Variants in ATP11B observed in about 807,000 individuals in gnomAD.
ATP11B encodes phospholipid-transporting ATPase IF.
Under a neutral mutation model 157.8 loss-of-function variants are expected in ATP11B, and 81 were observed. The ratio of observed to expected loss-of-function variants is 0.51; its 90% CI spans 0.43 to 0.62. The LOEUF (loss-of-function observed/expected upper bound fraction) is 0.62. Ranked by LOEUF, ATP11B falls within the 20% of genes least tolerant of loss-of-function variation. The pLI, the probability that ATP11B is intolerant of heterozygous loss-of-function variation, is 0.00. For synonymous variants in ATP11B, 451 were observed against 469.4 expected, an observed-to-expected ratio of 0.96 and a Z score of 0.51; for missense variants, 1,165 against 1,402.2, an observed-to-expected ratio of 0.83 and a Z score of 2.70.
chr3:182,861,570 T>A (rs998305279), intron 12 of ATP11B, among the ~76,000 whole-genome samples: 1 of 152,162 alleles, frequency 6.6e-6, no homozygotes, highest in Non-Finnish European at 1.5e-5. Flanking sequence ...AAGGTTGTAA[T>A]ACCAGATGTG....
intron 10 of ATP11B, among the ~76,000 whole-genome samples, chr3:182,850,515 A>G (rs1010440170): frequency 1.1e-4 from 17 of 152,266 alleles, no homozygotes; most frequent in Admixed American, 7.8e-4. Flanking sequence ...CAAAACCACA[A>G]TGAGATGTCA....
intron 2 of ATP11B, among the ~76,000 whole-genome samples, chr3:182,822,824 A>T (rs571929339): frequency 9.1e-4 from 138 of 152,274 alleles, no homozygotes; most frequent in Non-Finnish European, 1.6e-3. Flanking sequence ...CTGGTGTGAG[A>T]TGATATCTCA....
At chr3:182,891,555 T>C (rs1320372262) in intron 25 of ATP11B, among the ~76,000 whole-genome samples, 1 of 152,206 alleles carries the variant, frequency 6.6e-6, no homozygotes, top group African/African-American at 2.4e-5. Context: ...CATGATTACG[T>C]AATACTCTAT....
chr3:182,822,214 A>G (rs1333395203), intron 2 of ATP11B, among the ~76,000 whole-genome samples: 1 of 151,556 alleles, frequency 6.6e-6, no homozygotes, highest in Non-Finnish European at 1.5e-5. Context: ...GGTGTGCTTC[A>G]CCCATTAACT....
At position 182,887,601 on chromosome 3, in the gene ATP11B, G is replaced by A. The variant is rs985009420; in HGVS notation, c.2731G>A (p.Val911Met). ...LFSQQTLYDS[V>M]YLTLYNICFT... ...CTCTTTCTAGACATTGTATGACAGC[G>A]TGTACCTGACTTTATACAATATTTG... The change falls in exon 24 of 30, where the codon GTG becomes ATG. Residue 911 changes from valine (V) to methionine (M), a missense_variant. By Grantham distance (21) the Val-to-Met change is conservative. Transcript: ENST00000323116. The A allele has an allele frequency of 2.5e-6, 4 of 1,610,306 alleles. No homozygotes were observed. The highest frequency in any genetic ancestry group is 1.3e-5 in the African/African-American group (1 of 74,730).
chr3:182,916,424 TC>T, intron 29 of ATP11B: 1 of 985,334 alleles, frequency 1.0e-6, no homozygotes, highest in South Asian at 4.7e-5. Flanking sequence ...ATTTGTACCA[TC>T]CAGGCACAAA....
At chr3:182,884,254 ATTTAT>A (rs1722651091) in intron 21 of ATP11B, among the ~76,000 whole-genome samples, 3 of 152,058 alleles carry the variant, frequency 2.0e-5, no homozygotes, top group Admixed American at 2.0e-4. Context: ...TTAAAAATTT[ATTTAT>A]TTTAAATTCA....
chr3:182,899,832 T>C (rs554919037), intron 28 of ATP11B, among the ~76,000 whole-genome samples: 1 of 152,340 alleles, frequency 6.6e-6, no homozygotes, highest in African/African-American at 2.4e-5. Context: ...CTTTTTTATA[T>C]ATTTGACTAG....
chr3:182,912,447 CCTT>C (rs1251064726), intron 28 of ATP11B, among the ~76,000 whole-genome samples: 2 of 149,860 alleles, frequency 1.3e-5, no homozygotes, highest in Non-Finnish European at 2.9e-5. Context: ...ACACTGACCC[CCTT>C]TTTTTTTTTC....
Position 182,889,360 on chromosome 3 carries a change from C to A in ATP11B, c.2844-50C>A, listed in dbSNP as rs549406012. ...CATATTATATTAATTGTTTAGTGGG[C>A]AAATAATAAATGATCCCTAATATGT... On this transcript the variant is annotated intron_variant, in intron 24 of 29. Transcript: ENST00000323116. 1.7e-4 allele frequency: 221 copies of A among 1,305,326 alleles called. 5 individuals are homozygous for A. The South Asian group carries it at 3.0e-3, about 18-fold the overall frequency. 80.9% of individuals were successfully genotyped at this position (1,305,326 alleles called of 1,614,324 possible).
At chr3:182,902,487 T>C (rs1180435922) in intron 28 of ATP11B, 2 of 1,289,380 alleles carry the variant, frequency 1.6e-6, no homozygotes, top group Non-Finnish European at 2.0e-6. Flanking sequence ...ATAGATGTAC[T>C]CCAACACAGT....
At chr3:182,907,989 T>A (rs7632838) in intron 28 of ATP11B, among the ~76,000 whole-genome samples, 18,282 of 152,030 alleles carry the variant, frequency 0.12, 1,236 homozygotes, top group African/African-American at 0.18. Context: ...TAATTTACCG[T>A]CTGCATTAAA....
chr3:182,889,296 G>T, intron 24 of ATP11B, 114 bp from the exon 25 acceptor site: 3 of 753,174 alleles, frequency 4.0e-6, no homozygotes, highest in South Asian at 5.0e-5. Flanking sequence ...ATATTTTCAA[G>T]CAATTTTAAA....
intron 28 of ATP11B, among the ~76,000 whole-genome samples, chr3:182,900,129 A>G (rs1723851715): frequency 6.6e-6 from 1 of 152,196 alleles, no homozygotes; most frequent in Admixed American, 6.5e-5. Flanking sequence ...TGTCCACAAC[A>G]TTTCTTTAGT....
chr3:182,816,726 G>A (rs1425051243), intron 1 of ATP11B, among the ~76,000 whole-genome samples: 1 of 152,154 alleles, frequency 6.6e-6, no homozygotes, highest in Non-Finnish European at 1.5e-5. Context: ...TTTTCATCAT[G>A]CAAAGCTCAT....
intron 12 of ATP11B, among the ~76,000 whole-genome samples, chr3:182,861,798 A>G (rs1720858810): frequency 6.6e-6 from 1 of 152,104 alleles, no homozygotes. Flanking sequence ...ATGGATGCTA[A>G]TCTTTGGCTA....
chr3:182,845,261 C>G (rs10084752), intron 8 of ATP11B, among the ~76,000 whole-genome samples, 197 bp from the exon 9 acceptor site: 5,352 of 152,236 alleles, frequency 0.035, 323 homozygotes, highest in African/African-American at 0.12. Context: ...CCCGCCTCAG[C>G]TTCCCAAAGT....
At position 182,920,285 on chromosome 3, in the gene ATP11B, A is replaced by G. The variant is rs1725385977; in HGVS notation, c.*2181A>G. On this transcript the variant is annotated 3_prime_UTR_variant, in exon 30 of 30. Coordinates refer to ENST00000323116, the MANE Select transcript of ATP11B (RefSeq NM_014616.3). ...ATTTTTTTAAAAAAAGTAAATGGCA[A>G]CCACTAGTGTGCTCATCCTGAACTG... 1 of 152,238 alleles carries G rather than the reference A, an allele frequency of 6.6e-6. No homozygotes were observed. The highest frequency in any genetic ancestry group is 2.4e-5 in the African/African-American group (1 of 41,458). 9.4% of individuals were successfully genotyped at this position (152,238 alleles called of 1,614,324 possible). A position where few individuals can be genotyped will look rare whatever the true frequency, so the allele number is the denominator to read the frequency against.
At position 182,793,688 on chromosome 3, in the gene ATP11B, T is replaced by C. The variant is rs1164255384; in HGVS notation, c.-72T>C. On this transcript the variant is annotated 5_prime_UTR_variant, in exon 1 of 30. Coordinates refer to ENST00000323116, the MANE Select transcript of ATP11B (RefSeq NM_014616.3). ...CGAGGGGCTCGCCCGCTCCCGCCTC[T>C]GTCTTGTCGGCCTCCACCTGCAGCC... The C allele has an allele frequency of 9.2e-7, 1 of 1,092,698 alleles. No individual in the cohort carries two copies. The highest frequency in any genetic ancestry group is 1.6e-5 in the South Asian group (1 of 62,368). 67.7% of individuals were successfully genotyped at this position (1,092,698 alleles called of 1,614,324 possible).
Sources: gnomAD v4.1 joint callset for allele counts (sites outside exome capture counted in the v4.1 genomes callset) on GRCh38, gnomAD v4.1.1 for gene constraint, MANE v1.5 for transcripts, NCBI Gene and HGNC (gene_info 2026-07-23, HGNC 2026-07-21) for gene names.